The following JARID2 variants were observed in gnomAD, a reference collection of about 807,000 sequenced individuals.
The protein encoded by JARID2 is protein Jumonji.
JARID2 carries 21 observed loss-of-function variants against 125.6 expected under a neutral mutation model. The observed-to-expected ratio is 0.17, with a 90% confidence interval of 0.12 to 0.24. The LOEUF (loss-of-function observed/expected upper bound fraction) is 0.24, where lower values mean the gene tolerates loss of function less well. Ranked by LOEUF, JARID2 falls within the 10% of genes least tolerant of loss-of-function variation. The pLI is 1.00. For synonymous variants in JARID2, 736 were observed against 661.6 expected, an observed-to-expected ratio of 1.11 and a Z score of -1.73; for missense variants, 1,303 against 1,639.6, an observed-to-expected ratio of 0.79 and a Z score of 3.55.
At chr6:15,289,845 C>CA (rs768633417) in intron 1 of JARID2, among the ~76,000 whole-genome samples, 5 of 151,486 alleles carry the variant, frequency 3.3e-5, no homozygotes, top group South Asian at 2.1e-4. Context: ...GACTCTGTCT[C>CA]AAAAAAACAA....
intron 3 of JARID2, among the ~76,000 whole-genome samples, chr6:15,416,781 G>A (rs1034884662): frequency 3.9e-5 from 6 of 152,030 alleles, no homozygotes; most frequent in Non-Finnish European, 5.9e-5. Flanking sequence ...CCATTACAGA[G>A]ACTTTCATCC....
At chr6:15,489,095 T>G (rs1054563933) in intron 6 of JARID2, among the ~76,000 whole-genome samples, 7 of 152,152 alleles carry the variant, frequency 4.6e-5, no homozygotes, top group African/African-American at 1.7e-4. Context: ...GAGAACAGAA[T>G]TAGAAGCAAC....
chr6:15,399,026 G>A (rs2127552408), intron 2 of JARID2, among the ~76,000 whole-genome samples: 1 of 152,308 alleles, frequency 6.6e-6, no homozygotes, highest in Middle Eastern at 3.4e-3. Flanking sequence ...CCAGTAGAAG[G>A]AAGAGGAAAA....
intron 1 of JARID2, among the ~76,000 whole-genome samples, chr6:15,327,564 C>T (rs1056350822): frequency 2.0e-5 from 3 of 150,472 alleles, no homozygotes; most frequent in Non-Finnish European, 3.0e-5. Flanking sequence ...CGTGTGTGTG[C>T]GTGTGCATGT....
At chr6:15,351,472 C>G (rs1332948022) in intron 1 of JARID2, among the ~76,000 whole-genome samples, 1 of 152,186 alleles carries the variant, frequency 6.6e-6, no homozygotes, top group Non-Finnish European at 1.5e-5. Context: ...GGTCTCATCC[C>G]TGCTCTGCTC....
chr6:15,446,022 C>T (rs2127628121), intron 3 of JARID2, among the ~76,000 whole-genome samples: 1 of 152,302 alleles, frequency 6.6e-6, no homozygotes, highest in Admixed American at 6.5e-5. Flanking sequence ...TCCTCCTCTC[C>T]TGTTGCTATT....
At chr6:15,500,768 G>A (rs13192234) in intron 7 of JARID2, 139 bp from the exon 8 acceptor site, 170,672 of 718,936 alleles carry the variant, frequency 0.24, 21,397 homozygotes, top group Middle Eastern at 0.35. Flanking sequence ...CCGGGAGTCT[G>A]CTGTTCACCA....
chr6:15,380,378 C>G (rs1199479775), intron 2 of JARID2, among the ~76,000 whole-genome samples: 1 of 152,110 alleles, frequency 6.6e-6, no homozygotes, highest in Non-Finnish European at 1.5e-5. Flanking sequence ...CCTTGGAAGG[C>G]ATGGTAAGTA....
chr6:15,501,526 G>A, intron 8 of JARID2, 117 bp downstream of exon 8: 1 of 997,292 alleles, frequency 1.0e-6, no homozygotes, highest in Non-Finnish European at 1.4e-6. Context: ...GGGTGATGAG[G>A]GGGCGGGCCA....
chr6:15,457,789 A>G (rs185018677), intron 4 of JARID2, among the ~76,000 whole-genome samples: 45 of 152,270 alleles, frequency 3.0e-4, no homozygotes, highest in Non-Finnish European at 5.3e-4. Context: ...GAAAAACCCT[A>G]TACTATTAAT....
intron 12 of JARID2, among the ~76,000 whole-genome samples, chr6:15,510,807 G>A (rs1561916291): frequency 6.6e-6 from 1 of 152,214 alleles, no homozygotes. Flanking sequence ...CTGTGCATTT[G>A]TAGAGGGCAG....
At chr6:15,283,193 CGG>C (rs1561768161) in intron 1 of JARID2, among the ~76,000 whole-genome samples, 1 of 148,816 alleles carries the variant, frequency 6.7e-6, no homozygotes, top group Non-Finnish European at 1.5e-5. Context: ...TTAGCCAGGA[CGG>C]TCTCGATCTG....
At chr6:15,308,586 C>T (rs1432659503) in intron 1 of JARID2, among the ~76,000 whole-genome samples, 2 of 152,160 alleles carry the variant, frequency 1.3e-5, no homozygotes, top group East Asian at 3.9e-4. Flanking sequence ...CTACTGAATA[C>T]CTTCCTTCCT....
chr6:15,423,099 A>G (rs1766573875), intron 3 of JARID2, among the ~76,000 whole-genome samples: 2 of 151,694 alleles, frequency 1.3e-5, no homozygotes, highest in South Asian at 2.1e-4. Flanking sequence ...TCCTGGGTGC[A>G]AGTGATCCTC....
chr6:15,413,008 G>GTTTTTGTTTTTTTTT (rs1765958811), intron 3 of JARID2, among the ~76,000 whole-genome samples: 14 of 47,468 alleles, frequency 2.9e-4, no homozygotes, highest in South Asian at 6.6e-4. Flanking sequence ...TTGTGTTTTT[G>GTTTTTGTTTTTTTTT]TTTTTTTTTT....
intron 1 of JARID2, among the ~76,000 whole-genome samples, chr6:15,274,831 A>G (rs1034188292): frequency 2.0e-5 from 3 of 152,156 alleles, no homozygotes; most frequent in Non-Finnish European, 4.4e-5. Context: ...CCTTGTGCAT[A>G]TTAGTGGGAT....
intron 17 of JARID2, among the ~76,000 whole-genome samples, chr6:15,519,326 G>A (rs935498246): frequency 1.3e-5 from 2 of 152,062 alleles, no homozygotes; most frequent in African/African-American, 2.4e-5. Context: ...CCCGCCTTCC[G>A]AAGGCACCTT....
chr6:15,496,321 A>G lies in JARID2; in HGVS notation c.1096A>G (p.Lys366Glu). 6.2e-7 allele frequency: 1 copy of G among 1,614,198 alleles called. No homozygotes were observed. The highest frequency in any genetic ancestry group is 1.6e-4 in the Middle Eastern group (1 of 6,062). Residue 366 changes from lysine to glutamate, a missense_variant, in exon 7 of 18, where the codon AAG becomes GAG. Physicochemically the swap from Lys to Glu is moderately conservative, Grantham distance 56. This residue lies in a region of JARID2 where 651 missense variants were observed against 581.6 expected (regional missense o/e 1.12). Transcript: ENST00000341776. The part of the protein sequence containing the change: ...LVKDTKPNHH[K>E]PSSAVNHTIS... ...CAAGGACACCAAACCCAATCACCAC[A>G]AGCCCAGTTCCGCTGTCAACCACAC...
chr6:15,459,822 A>G (rs1048012365), intron 4 of JARID2, among the ~76,000 whole-genome samples: 2 of 152,200 alleles, frequency 1.3e-5, no homozygotes, highest in African/African-American at 4.8e-5. Context: ...GAGGTCACAG[A>G]ATGAAAGGGG....
Sources: gnomAD v4.1 joint callset for allele counts (sites outside exome capture counted in the v4.1 genomes callset) on GRCh38, gnomAD v4.1.1 for gene constraint, gnomAD v4.1.1 regional missense constraint, MANE v1.5 for transcripts, NCBI Gene and HGNC (gene_info 2026-07-23, HGNC 2026-07-21) for gene names.